DLG2: variants seen among roughly 807,000 people sequenced by gnomAD.
The protein encoded by DLG2 is discs large MAGUK scaffold protein 2.
Under a neutral mutation model 132.5 loss-of-function variants are expected in DLG2, and 45 were observed. The observed-to-expected ratio is 0.34, with a 90% CI of 0.27 to 0.44. DLG2 has a LOEUF of 0.44. DLG2 is among the 20% of genes least tolerant of loss of function. The pLI is 1.00. For synonymous variants in DLG2, 424 were observed against 419.6 expected, an observed-to-expected ratio of 1.01 and a Z score of -0.13; for missense variants, 1,045 against 1,196.9, an observed-to-expected ratio of 0.87 and a Z score of 1.87.
At chr11:83,773,414 ACT>A (rs1566911720) in intron 18 of DLG2, among the ~76,000 whole-genome samples, 4 of 152,110 alleles carry the variant, frequency 2.6e-5, no homozygotes, top group Non-Finnish European at 4.4e-5. Context: ...TGTTTCCAAG[ACT>A]CTATTTTCAA....
intron 3 of DLG2, among the ~76,000 whole-genome samples, chr11:85,456,351 T>C (rs904919547): frequency 3.9e-5 from 6 of 152,200 alleles, no homozygotes; most frequent in African/African-American, 9.6e-5. Flanking sequence ...TTGGATTTTC[T>C]ATATTTTCTT....
At chr11:84,344,483 G>T (rs2098530298) in intron 7 of DLG2, among the ~76,000 whole-genome samples, 1 of 152,160 alleles carries the variant, frequency 6.6e-6, no homozygotes, top group African/African-American at 2.4e-5. Flanking sequence ...GAAAACTGGA[G>T]AAAGTAGAAC....
At chr11:84,284,947 AC>A in intron 7 of DLG2, among the ~76,000 whole-genome samples, 2 of 152,314 alleles carry the variant, frequency 1.3e-5, no homozygotes, top group East Asian at 3.9e-4. Context: ...AAAATGTTTT[AC>A]TTGATGTTGA....
At chr11:85,363,226 G>A (rs17743360) in intron 3 of DLG2, among the ~76,000 whole-genome samples, 11,808 of 152,218 alleles carry the variant, frequency 0.078, 640 homozygotes, top group Non-Finnish European at 0.11. Context: ...TAAATGCAAT[G>A]TCCTACTAAG....
At chr11:84,880,236 G>T (rs1431866247) in intron 6 of DLG2, among the ~76,000 whole-genome samples, 1 of 152,162 alleles carries the variant, frequency 6.6e-6, no homozygotes. Context: ...GAAAAGTAAA[G>T]GAAGGAAAGT....
intron 12 of DLG2, 104 bp from the exon 13 acceptor site, chr11:83,965,572 C>G: frequency 1.1e-6 from 1 of 913,848 alleles, no homozygotes; most frequent in Non-Finnish European, 1.7e-6. Flanking sequence ...TAATTACTGT[C>G]CAGTATCCTT....
At chr11:85,214,125 T>G (rs2082424326) in intron 4 of DLG2, among the ~76,000 whole-genome samples, 1 of 152,154 alleles carries the variant, frequency 6.6e-6, no homozygotes, top group African/African-American at 2.4e-5. Context: ...TCCTACCATG[T>G]CCCGTTGTGA....
At chr11:83,588,058 G>A (rs1230455666) in intron 19 of DLG2, among the ~76,000 whole-genome samples, 1 of 152,326 alleles carries the variant, frequency 6.6e-6, no homozygotes, top group East Asian at 1.9e-4. Flanking sequence ...GGCTAGGGGA[G>A]GGGCGCCCGC....
intron 3 of DLG2, among the ~76,000 whole-genome samples, chr11:85,352,013 AATCTGGCTGTAAATCC>A (rs1247136301): frequency 6.6e-6 from 1 of 152,208 alleles, no homozygotes; most frequent in Non-Finnish European, 1.5e-5. Context: ...CCTCTGATAG[AATCTGGCTGTAAATCC>A]ATCTGGTCCT....
intron 6 of DLG2, among the ~76,000 whole-genome samples, chr11:84,947,538 G>C (rs964826859): frequency 6.6e-6 from 1 of 152,112 alleles, no homozygotes; most frequent in African/African-American, 2.4e-5. Context: ...AATCTCAACA[G>C]ACTAGAAGCC....
In DLG2 at chr11:85,267,207, G is replaced by A. The variant is rs370742290; in HGVS notation, c.186+18013C>T. 5.3e-5 allele frequency among the ~76,000 whole-genome samples: 8 copies of A among 152,102 alleles called. No homozygotes were observed. The East Asian group carries it at 5.8e-4, about 11-fold the overall frequency. On this transcript the variant is annotated intron_variant, in intron 4 of 27. Coordinates refer to ENST00000376104, the MANE Select transcript of DLG2 (RefSeq NM_001142699.3). ...GACATGAGAGGACTTACTTTCTCCC[G>A]CTCTGTTCTCTGCTATGTGAAGGTA...
intron 10 of DLG2, among the ~76,000 whole-genome samples, chr11:84,064,112 TAAG>T (rs761401093): frequency 3.3e-4 from 50 of 151,844 alleles, no homozygotes; most frequent in Non-Finnish European, 5.2e-4. Flanking sequence ...TAAAGTATAA[TAAG>T]AATATATATA....
chr11:83,759,162 TATAGGTA>T (rs1315292800), intron 18 of DLG2, among the ~76,000 whole-genome samples: 1 of 152,194 alleles, frequency 6.6e-6, no homozygotes, highest in African/African-American at 2.4e-5. Flanking sequence ...TAAGTGTCTA[TATAGGTA>T]AAGTACATTA....
intron 3 of DLG2, among the ~76,000 whole-genome samples, chr11:85,568,571 T>C (rs1254289457): frequency 6.6e-6 from 1 of 152,192 alleles, no homozygotes; most frequent in East Asian, 1.9e-4. Context: ...TTGGAGGTTT[T>C]TTCATTATTA....
intron 18 of DLG2, among the ~76,000 whole-genome samples, chr11:83,694,042 C>T (rs2081448259): frequency 6.6e-6 from 1 of 152,194 alleles, no homozygotes; most frequent in Non-Finnish European, 1.5e-5. Context: ...CTTGTTTAAT[C>T]TTCTTGACAA....
At chr11:84,210,531 T>TAA (rs34149459) in intron 8 of DLG2, among the ~76,000 whole-genome samples, 4,021 of 50,534 alleles carry the variant, frequency 0.08, 218 homozygotes, top group African/African-American at 0.13. Flanking sequence ...AAACTTAAAT[T>TAA]AAAAAAAAAA....
intron 7 of DLG2, among the ~76,000 whole-genome samples, chr11:84,341,302 A>G (rs1350755224): frequency 1.3e-5 from 2 of 152,080 alleles, no homozygotes; most frequent in African/African-American, 2.4e-5. Flanking sequence ...GTGAAATTCA[A>G]ATTGGTGGTG....
chr11:84,551,751 T>C (rs1230136577), intron 6 of DLG2, among the ~76,000 whole-genome samples: 1 of 152,200 alleles, frequency 6.6e-6, no homozygotes, highest in East Asian at 1.9e-4. Context: ...AGATGTTTCT[T>C]CTGAGTATGG....
rs190176854 is a variant in DLG2 at position 84,002,393 on chromosome 11, C to T, written c.920-21751G>A. ...GGGGTGCCCACCCGACATTTCCCTT[C>T]CCTATTGCCCTATCATAGGTTCTCC... On this transcript the variant is annotated intron_variant, in intron 11 of 27. Transcript: ENST00000376104. Among the ~76,000 whole-genome samples the T allele has an allele frequency of 6.3e-3, 967 of 152,292 alleles. 2 individuals carry two copies. The highest frequency in any genetic ancestry group is 8.1e-3 in the Non-Finnish European group (550 of 68,016).
Sources: allele counts gnomAD v4.1 joint callset (sites outside exome capture counted in the v4.1 genomes callset), GRCh38; gene constraint gnomAD v4.1.1; transcripts MANE v1.5; gene names NCBI Gene and HGNC (gene_info 2026-07-23, HGNC 2026-07-21).